Variants in MYO9B observed in about 807,000 individuals in gnomAD.
MYO9B encodes myosin IXB.
A neutral mutation model predicts 229.5 loss-of-function variants in MYO9B; 71 were observed. That is an observed-to-expected ratio of 0.31 (90% CI 0.26 to 0.38). The LOEUF is 0.38. Among genes scored for constraint, MYO9B ranks in the 10% least tolerant of loss-of-function variants. MYO9B has a pLI of 1.00. For synonymous variants in MYO9B, 1,185 were observed against 1,235.8 expected, an observed-to-expected ratio of 0.96 and a Z score of 0.86; for missense variants, 2,255 against 2,920.5, an observed-to-expected ratio of 0.77 and a Z score of 5.25.
At chr19:17,091,746 G>T (rs2057640825) in intron 1 of MYO9B, among the ~76,000 whole-genome samples, 1 of 152,154 alleles carries the variant, frequency 6.6e-6, no homozygotes, top group African/African-American at 2.4e-5. Context: ...CTCCCAGGGA[G>T]GGATGTCCCT....
chr19:17,160,182 G>A (rs367962870), intron 8 of MYO9B, among the ~76,000 whole-genome samples: 3 of 152,122 alleles, frequency 2.0e-5, no homozygotes, highest in Admixed American at 6.6e-5. Flanking sequence ...CCCCTCACCC[G>A]ATGGGAAGCT....
In MYO9B at chr19:17,194,833, G is replaced by A. The variant is rs2145458714; in HGVS notation, c.3406G>A (p.Glu1136Lys). ...TLPPQKTVAA[E>K]SHEKVPSSRE... is the part of the protein sequence containing the mutation. ...CCCACCCCAGAAAACCGTGGCGGCT[G>A]AAAGTCACGAGAAAGTCCCCAGCAG... The change falls in exon 22 of 40, where the codon GAA (glutamate) becomes AAA (lysine). Residue 1136 changes from glutamate (E) to lysine (K), a missense_variant. Glu to Lys is a moderately conservative substitution (Grantham distance 56). This residue lies in a region of MYO9B where 679 missense variants were observed against 770.2 expected (regional missense o/e 0.88). Transcript: ENST00000682292. The A allele has an allele frequency of 6.2e-7, 1 of 1,613,342 alleles. No homozygotes were observed.
chr19:17,179,551 G>A (rs568505339), intron 14 of MYO9B, among the ~76,000 whole-genome samples: 16 of 150,260 alleles, frequency 1.1e-4, no homozygotes, highest in African/African-American at 3.2e-4. Flanking sequence ...CTCAGCCTCC[G>A]GAGTGACTGG....
At chr19:17,107,560 A>G (rs2057804326) in intron 2 of MYO9B, among the ~76,000 whole-genome samples, 1 of 152,154 alleles carries the variant, frequency 6.6e-6, no homozygotes, top group African/African-American at 2.4e-5. Context: ...TAAGGCTCTC[A>G]TGGTCCTGGA....
At chr19:17,211,173 G>C (rs566073922) in intron 38 of MYO9B, among the ~76,000 whole-genome samples, 23 of 151,984 alleles carry the variant, frequency 1.5e-4, no homozygotes, top group Admixed American at 5.9e-4. Context: ...TAGAGACAGG[G>C]TTTCACCACA....
intron 2 of MYO9B, among the ~76,000 whole-genome samples, chr19:17,106,699 G>A (rs2057795888): frequency 6.6e-6 from 1 of 152,214 alleles, no homozygotes. Flanking sequence ...CCTGAGTCAG[G>A]AGGATTGCGT....
At position 17,172,930 on chromosome 19, in the gene MYO9B, C is replaced by A. The variant is rs200912082; in HGVS notation, c.2107C>A (p.Arg703Ser). 1 of 1,599,058 alleles carries A rather than the reference C, an allele frequency of 6.3e-7. No individual in the cohort carries two copies. Residue 703 changes from arginine (R) to serine (S), a missense_variant, in exon 13 of 40, where the codon CGC becomes AGC. Arg to Ser is a moderately radical substitution (Grantham distance 110, BLOSUM62 -1). Around this residue, in one of 7 missense-constraint regions of MYO9B, gnomAD observed 155 missense variants for 159.1 expected, o/e 0.97. Coordinates refer to ENST00000682292, the MANE Select transcript of MYO9B (RefSeq NM_004145.4). The surrounding 1 kb of genome is among the most constrained non-coding windows in gnomAD (Gnocchi z 8.2). ...CATGGCAGTGCTTCGGGAGGCCGGA[C>A]GCCTGCGGGCCGAGAGGGCCGAAAA... ...RAMAVLREAG[R>S]LRAERAEKAA...
intron 1 of MYO9B, among the ~76,000 whole-genome samples, chr19:17,089,328 A>C (rs1364928872): frequency 6.6e-6 from 1 of 152,112 alleles, no homozygotes; most frequent in Non-Finnish European, 1.5e-5. Flanking sequence ...TGTGAAATGC[A>C]CTGAATGCTG....
chr19:17,110,118 C>G (rs1223192766), intron 2 of MYO9B, among the ~76,000 whole-genome samples: 1 of 152,160 alleles, frequency 6.6e-6, no homozygotes, highest in Non-Finnish European at 1.5e-5. Context: ...TTTTTCTCAG[C>G]TCCCCGAAAG....
chr19:17,100,611 C>A (rs1568660875), intron 1 of MYO9B, among the ~76,000 whole-genome samples: 1 of 152,160 alleles, frequency 6.6e-6, no homozygotes, highest in Admixed American at 6.5e-5. Context: ...GGAGTCCTAT[C>A]GCATTGAGAA....
intron 29 of MYO9B, 37 bp downstream of exon 29, chr19:17,202,920 C>G: frequency 6.3e-7 from 1 of 1,585,460 alleles, no homozygotes; most frequent in Non-Finnish European, 8.6e-7. Flanking sequence ...TCCGAGCAGG[C>G]GAACATTGGC....
chr19:17,081,624 C>T (rs2123431120), intron 1 of MYO9B, among the ~76,000 whole-genome samples: 1 of 151,994 alleles, frequency 6.6e-6, no homozygotes, highest in Non-Finnish European at 1.5e-5. Context: ...GCCTGGCCAA[C>T]ATGATGAAAC....
Position 17,172,529 on chromosome 19 carries a change from G to T in MYO9B, c.1935+52G>T. 6.3e-7 allele frequency: 1 copy of T among 1,599,720 alleles called. No homozygotes were observed. On this transcript the variant is annotated intron_variant, in intron 12 of 39. Coordinates refer to ENST00000682292, the MANE Select transcript of MYO9B (RefSeq NM_004145.4). The surrounding 1 kb of genome is among the most constrained non-coding windows in gnomAD (Gnocchi z 8.2). ...GGAAGCCTGAGGGAAGCCACAGTCA[G>T]CCCAGAAGCCCATGTGGGAGGATCC...
chr19:17,175,534 G>T (rs567211683), intron 13 of MYO9B, 129 bp from the exon 14 acceptor site: 1 of 637,070 alleles, frequency 1.6e-6, no homozygotes, highest in Admixed American at 3.7e-5. Context: ...GGCCGAGATC[G>T]CGCCACTGTG....
At chr19:17,184,504 C>T (rs148617336) in intron 16 of MYO9B, 155 of 210,652 alleles carry the variant, frequency 7.4e-4, no homozygotes, top group African/African-American at 3.4e-3. Context: ...CAGAAAGGAC[C>T]TGGCCCTTCT....
chr19:17,090,185 C>T (rs2057624660), intron 1 of MYO9B, among the ~76,000 whole-genome samples: 1 of 113,328 alleles, frequency 8.8e-6, no homozygotes, highest in Non-Finnish European at 1.6e-5. Context: ...GCCCTGTTGG[C>T]CAAGTTGGAG....
Position 17,193,489 on chromosome 19 carries a change from C to A in MYO9B, c.3128+427C>A, listed in dbSNP as rs2073008484. Among the ~76,000 whole-genome samples the A allele has an allele frequency of 6.6e-6, 1 of 152,184 alleles. No homozygotes were observed. Among genetic ancestry groups the A allele is most frequent in the South Asian group, 2.1e-4 (1 of 4,830 alleles). ...AGCTCCGAGCCCAGCCCCTCCCCGACCTAGGCACCCTGTTCACCTCTCCCC... is the reference window on the plus strand; with the variant it reads ...AGCTCCGAGCCCAGCCCCTCCCCGAACTAGGCACCCTGTTCACCTCTCCCC... On this transcript the variant is annotated intron_variant, in intron 21 of 39. Transcript: ENST00000682292. This position sits in a 1 kb window ranked among gnomAD's most constrained non-coding sequence, Gnocchi z 4.3.
At chr19:17,199,459 A>G (rs1002382442) in intron 24 of MYO9B, among the ~76,000 whole-genome samples, 6 of 151,984 alleles carry the variant, frequency 3.9e-5, no homozygotes, top group African/African-American at 1.4e-4. Context: ...CCCTGCCAGT[A>G]CAAAGAAAGG....
intron 18 of MYO9B, 132 bp from the exon 19 acceptor site, chr19:17,187,803 C>A (rs1219382733): frequency 4.2e-6 from 3 of 715,798 alleles, no homozygotes; most frequent in Non-Finnish European, 7.0e-6. Context: ...TGTCTGTGTT[C>A]GGCATCCCAA....
Sources: gnomAD v4.1 joint callset for allele counts (sites outside exome capture counted in the v4.1 genomes callset) on GRCh38, gnomAD v4.1.1 for gene constraint, gnomAD v4.1.1 regional missense constraint, Gnocchi (gnomAD v3.1) non-coding constraint, MANE v1.5 for transcripts, NCBI Gene and HGNC (gene_info 2026-07-23, HGNC 2026-07-21) for gene names.